Variants in CBFA2T3 observed in about 807,000 individuals in gnomAD.
The protein encoded by CBFA2T3 is transcriptional corepressor CBFA2T3.
Under a neutral mutation model 58.6 loss-of-function variants are expected in CBFA2T3, and 31 were observed. The ratio of observed to expected loss-of-function variants is 0.53; its 90% CI spans 0.40 to 0.71. The LOEUF is 0.71. Ranked by LOEUF, CBFA2T3 falls within the 30% of genes least tolerant of loss-of-function variation. The pLI, the probability that CBFA2T3 is intolerant of heterozygous loss-of-function variation, is 0.00. For synonymous variants in CBFA2T3, 531 were observed against 421.9 expected (o/e 1.26, Z -3.17); for missense variants, 1,076 against 963.1 (o/e 1.12, Z -1.55).
rs779831852 is a variant in CBFA2T3 at position 88,892,273 on chromosome 16, G to A, written c.592C>T (p.Arg198Cys). Residue 198 changes from arginine to cysteine, a missense_variant, in exon 4 of 12, where the codon CGC becomes TGC. Coordinates refer to ENST00000268679, the MANE Select transcript of CBFA2T3 (RefSeq NM_005187.6). ...GSDISPEIGERVRTLVLGLVN... is the reference protein window; with the variant it reads ...GSDISPEIGECVRTLVLGLVN... ...AGGCCCAGCACCAGTGTGCGCACGC[G>A]CTCCCCAATCTCTGGGGAGATGTCG... is the stretch of plus-strand genomic sequence containing the variant. The A allele has an allele frequency of 4.5e-5, 73 of 1,611,354 alleles. No individual in the cohort carries two copies. The highest frequency in any genetic ancestry group is 1.3e-4 in the African/African-American group (10 of 74,910).
chr16:88,883,494 A>G (rs1338709284), intron 7 of CBFA2T3: 1 of 152,392 alleles, frequency 6.6e-6, no homozygotes, highest in Non-Finnish European at 1.5e-5. Flanking sequence ...CAGCGTGTCT[A>G]AGGTTTTTCC....
intron 3 of CBFA2T3, among the ~76,000 whole-genome samples, chr16:88,896,382 A>G (rs1157194346): frequency 6.6e-6 from 1 of 152,126 alleles, no homozygotes; most frequent in African/African-American, 2.4e-5. Context: ...TGGGCTCAGG[A>G]TGGACGCACC....
rs1171161057 is a variant in CBFA2T3, at chr16:88,876,963, G to C, written c.*13C>G. 4.9e-6 allele frequency: 7 copies of C among 1,417,872 alleles called. No individual in the cohort carries two copies. In the Admixed American group the frequency reaches 1.2e-4, roughly 24 times the overall value. 87.8% of individuals were successfully genotyped at this position (1,417,872 alleles called of 1,614,324 possible). A position where few individuals can be genotyped will look rare whatever the true frequency, so the allele number is the denominator to read the frequency against. On this transcript the variant is annotated 3_prime_UTR_variant, in exon 12 of 12. Coordinates refer to ENST00000268679, the MANE Select transcript of CBFA2T3 (RefSeq NM_005187.6). ...GCACGGTGCTGTGTCCGGCAGGCCA[G>C]GGGCCAGTGGGGTCAGCGGGGCACG...
chr16:88,933,984 T>TG (rs1971403278), intron 1 of CBFA2T3, among the ~76,000 whole-genome samples: 1 of 152,218 alleles, frequency 6.6e-6, no homozygotes, highest in South Asian at 2.1e-4. Context: ...AATCAGTGCA[T>TG]GTCGAAAATA....
chr16:88,912,283 C>A (rs2142703843), intron 1 of CBFA2T3, among the ~76,000 whole-genome samples: 1 of 152,342 alleles, frequency 6.6e-6, no homozygotes, highest in African/African-American at 2.4e-5. Context: ...TGCAAGTGAA[C>A]CCAGGGCTCG....
chr16:88,896,406 G>A (rs965217889), intron 3 of CBFA2T3, among the ~76,000 whole-genome samples: 5 of 152,266 alleles, frequency 3.3e-5, no homozygotes, highest in East Asian at 1.9e-4. Flanking sequence ...CCTCTGGAGC[G>A]CGCGGCACCG....
intron 1 of CBFA2T3, among the ~76,000 whole-genome samples, chr16:88,932,240 GCTTCCCCCTCACACGGCCCCCA>G (rs1971336105): frequency 1.1e-5 from 1 of 94,204 alleles, no homozygotes; most frequent in African/African-American, 4.8e-5. Flanking sequence ...CATGGCCCCC[GCTTCCCCCTCACACGGCCCCCA>G]CTTCCCCATC....
chr16:88,881,391 CCAGTGGTTGAG>C lies in CBFA2T3; in HGVS notation c.1291_1301del (p.Leu431GlyfsTer50). The C allele has an allele frequency of 6.2e-7, 1 of 1,602,644 alleles. No homozygotes were observed. Among genetic ancestry groups the C allele is most frequent in the Non-Finnish European group, 8.5e-7 (1 of 1,176,042 alleles). On this transcript the variant is annotated frameshift_variant, in exon 9 of 12. Coordinates refer to ENST00000268679, the MANE Select transcript of CBFA2T3 (RefSeq NM_005187.6). LOFTEE classifies it high-confidence loss of function. The stretch of plus-strand genomic sequence containing the variant: ...CCTCGGCGTCGCTGTAGCGCCGCGC[CCAGTGGTTGAG>C]CTCCTCGCGGTCGGCCTCCTGGCAC...
rs1450035156 is a variant in CBFA2T3, at chr16:88,885,363, G to C, written c.894-94C>G. The C allele has an allele frequency of 1.2e-6, 1 of 825,126 alleles. No homozygotes were observed. Among genetic ancestry groups the C allele is most frequent in the East Asian group, 3.0e-5 (1 of 33,312 alleles). 51.1% of individuals were successfully genotyped at this position (825,126 alleles called of 1,614,324 possible). ...GGTGAGAGGCAGACAGGCAAGGGCA[G>C]AGAGAAAGAGGACACGTAAGGGCGA... On this transcript the variant is annotated intron_variant, in intron 6 of 11. Coordinates refer to ENST00000268679, the MANE Select transcript of CBFA2T3 (RefSeq NM_005187.6). This position sits in a 1 kb window ranked among gnomAD's most constrained non-coding sequence, Gnocchi z 5.3.
intron 1 of CBFA2T3, chr16:88,939,925 A>T (rs771571782): frequency 6.6e-6 from 1 of 152,330 alleles, no homozygotes; most frequent in Non-Finnish European, 1.5e-5. Flanking sequence ...AATGCCAGGT[A>T]CCGAAAAACC....
intron 1 of CBFA2T3, among the ~76,000 whole-genome samples, chr16:88,909,451 G>A (rs1483494826): frequency 6.6e-6 from 1 of 152,220 alleles, no homozygotes; most frequent in East Asian, 1.9e-4. Context: ...AGCGGCGGCT[G>A]GGACGGAGGA....
At chr16:88,947,516 C>T (rs1288230071) in intron 1 of CBFA2T3, among the ~76,000 whole-genome samples, 1 of 152,106 alleles carries the variant, frequency 6.6e-6, no homozygotes, top group African/African-American at 2.4e-5. Flanking sequence ...AAACATTTTC[C>T]TATGTTAAAA....
At chr16:88,960,196 T>C (rs1276515397) in intron 1 of CBFA2T3, among the ~76,000 whole-genome samples, 1 of 152,100 alleles carries the variant, frequency 6.6e-6, no homozygotes, top group Non-Finnish European at 1.5e-5. Context: ...ATGTGAGTGG[T>C]ATTGAATGAC....
At chr16:88,900,460 C>T (rs1970053275) in intron 2 of CBFA2T3, among the ~76,000 whole-genome samples, 1 of 152,224 alleles carries the variant, frequency 6.6e-6, no homozygotes, top group Non-Finnish European at 1.5e-5. Context: ...CCAGGCCTGG[C>T]CTATAGCCAC....
At chr16:88,888,078 C>A (rs902185676) in intron 5 of CBFA2T3, among the ~76,000 whole-genome samples, 4 of 152,094 alleles carry the variant, frequency 2.6e-5, no homozygotes, top group African/African-American at 4.8e-5. Context: ...GAGACAGACT[C>A]CGGGGAGCTC....
intron 1 of CBFA2T3, among the ~76,000 whole-genome samples, chr16:88,942,060 G>C (rs910703038): frequency 6.6e-6 from 1 of 152,094 alleles, no homozygotes. Context: ...CGCGGGTCCC[G>C]GGGCCAGGTC....
rs574573924 is a variant in CBFA2T3, at chr16:88,923,680, G to A, written c.152-22024C>T. Among the ~76,000 whole-genome samples, 10 of 152,314 alleles carry A rather than the reference G, an allele frequency of 6.6e-5. No homozygotes were observed. The East Asian group carries it at 1.2e-3, about 18-fold the overall frequency. ...AGGGAGGCCAAGCTGCGCATCCTCC[G>A]CAACCCGGCTCACACATGTCGCTCC... On this transcript the variant is annotated intron_variant, in intron 1 of 11. Coordinates refer to ENST00000268679, the MANE Select transcript of CBFA2T3 (RefSeq NM_005187.6).
intron 1 of CBFA2T3, among the ~76,000 whole-genome samples, chr16:88,903,370 C>A (rs961751441): frequency 2.0e-5 from 3 of 152,158 alleles, no homozygotes; most frequent in Non-Finnish European, 4.4e-5. Context: ...TGGAGCAGTC[C>A]CCCTCTGCTG....
intron 1 of CBFA2T3, among the ~76,000 whole-genome samples, chr16:88,916,385 T>C (rs949627178): frequency 3.9e-5 from 6 of 152,002 alleles, no homozygotes; most frequent in African/African-American, 1.5e-4. Flanking sequence ...TACATGGGGG[T>C]GTATGTATTC....
Sources: allele counts gnomAD v4.1 joint callset (sites outside exome capture counted in the v4.1 genomes callset), GRCh38; gene constraint gnomAD v4.1.1; non-coding constraint Gnocchi (gnomAD v3.1); transcripts MANE v1.5; gene names NCBI Gene and HGNC (gene_info 2026-07-23, HGNC 2026-07-21).